SP140L: variants seen among roughly 807,000 people sequenced by gnomAD.
SP140L encodes the protein nuclear body protein SP140-like protein.
Under a neutral mutation model 84.3 loss-of-function variants are expected in SP140L, and 64 were observed. The ratio of observed to expected loss-of-function variants is 0.76; its 90% confidence interval spans 0.62 to 0.94. The LOEUF is 0.94. Ranked by LOEUF, SP140L falls within the 40% of genes least tolerant of loss-of-function variation. The pLI, the probability that SP140L is intolerant of heterozygous loss-of-function variation, is 0.00. For synonymous variants in SP140L, 242 were observed against 236.9 expected (o/e 1.02, Z -0.20); for missense variants, 628 against 692.5 (o/e 0.91, Z 1.05).
chr2:230,327,430 T>C, intron 1 of SP140L, 129 bp downstream of exon 1: 1 of 1,040,472 alleles, frequency 9.6e-7, no homozygotes, highest in Non-Finnish European at 1.4e-6. Flanking sequence ...GGTAGTGTAA[T>C]ATAATGGAAT....
At chr2:230,348,706 G>T (rs552817270) in intron 2 of SP140L, among the ~76,000 whole-genome samples, 1 of 152,140 alleles carries the variant, frequency 6.6e-6, no homozygotes, top group African/African-American at 2.4e-5. Flanking sequence ...AAACACAAAA[G>T]ATTTCAGTTT....
chr2:230,341,889 C>G (rs2060055047), intron 2 of SP140L, among the ~76,000 whole-genome samples: 1 of 152,062 alleles, frequency 6.6e-6, no homozygotes, highest in South Asian at 2.1e-4. Flanking sequence ...CCACTGCTCT[C>G]TTCAAAGCTG....
chr2:230,349,094 G>C (rs2060290885), intron 2 of SP140L, among the ~76,000 whole-genome samples: 1 of 152,208 alleles, frequency 6.6e-6, no homozygotes. Context: ...GTATTTTTGT[G>C]TGTATCTATG....
intron 13 of SP140L, 88 bp from the exon 14 acceptor site, chr2:230,396,669 T>C: frequency 6.7e-7 from 1 of 1,503,542 alleles, no homozygotes; most frequent in Non-Finnish European, 9.1e-7. Flanking sequence ...CCTGAATCCC[T>C]TCAAAGATGA....
intron 5 of SP140L, among the ~76,000 whole-genome samples, 167 bp downstream of exon 5, chr2:230,361,864 G>A (rs755163515): frequency 5.3e-5 from 8 of 152,162 alleles, no homozygotes; most frequent in Non-Finnish European, 1.2e-4. Flanking sequence ...CAGATGCAGG[G>A]TCCTGGAGAA....
At chr2:230,336,411 G>C (rs1026571352) in intron 2 of SP140L, among the ~76,000 whole-genome samples, 1 of 152,094 alleles carries the variant, frequency 6.6e-6, no homozygotes, top group Non-Finnish European at 1.5e-5. Flanking sequence ...GGCCCCATTT[G>C]TTTTGCTTTT....
chr2:230,383,368 C>T, intron 7 of SP140L, 142 bp from the exon 8 acceptor site: 1 of 687,636 alleles, frequency 1.5e-6, no homozygotes, highest in Non-Finnish European at 2.2e-6. Context: ...TCAACTTCCA[C>T]ACTGCTACAC....
intron 5 of SP140L, among the ~76,000 whole-genome samples, chr2:230,363,278 C>T (rs950679223): frequency 1.3e-5 from 2 of 152,148 alleles, no homozygotes; most frequent in African/African-American, 4.8e-5. Context: ...ATTTACATTT[C>T]CATTAACAGT....
At chr2:230,378,488 C>T (rs949412650) in intron 7 of SP140L, among the ~76,000 whole-genome samples, 11 of 152,176 alleles carry the variant, frequency 7.2e-5, no homozygotes, top group African/African-American at 2.7e-4. Context: ...CCTCCTCCCA[C>T]AATATTCTGC....
chr2:230,370,759 A>T, intron 5 of SP140L, 149 bp from the exon 6 acceptor site: 1 of 631,120 alleles, frequency 1.6e-6, no homozygotes, highest in Non-Finnish European at 2.8e-6. Context: ...AAGATTTCGG[A>T]GGAAAAAGTA....
At chr2:230,389,727 A>T (rs1480665974) in intron 10 of SP140L, among the ~76,000 whole-genome samples, 192 bp from the exon 11 acceptor site, 1 of 152,202 alleles carries the variant, frequency 6.6e-6, no homozygotes, top group Non-Finnish European at 1.5e-5. Context: ...TGAAATTTGA[A>T]AGGTGAAATT....
chr2:230,394,189 T>C (rs1357240049), intron 13 of SP140L, among the ~76,000 whole-genome samples: 1 of 152,186 alleles, frequency 6.6e-6, no homozygotes, highest in East Asian at 1.9e-4. Flanking sequence ...CAGACCTGCT[T>C]TTTATCTGTG....
chr2:230,396,621 G>A (rs1575551454), intron 13 of SP140L, 136 bp from the exon 14 acceptor site: 2 of 979,504 alleles, frequency 2.0e-6, no homozygotes, highest in East Asian at 5.3e-5. Flanking sequence ...CAGCCTACTG[G>A]CCTTCATCTC....
At chr2:230,336,067 G>C (rs2059869831) in intron 2 of SP140L, among the ~76,000 whole-genome samples, 1 of 152,178 alleles carries the variant, frequency 6.6e-6, no homozygotes, top group Admixed American at 6.5e-5. Context: ...TAAGAGGAGG[G>C]ATTTTCTGGG....
chr2:230,400,415 T>C (rs1575561713), intron 15 of SP140L, 173 bp downstream of exon 15: 1 of 634,798 alleles, frequency 1.6e-6, no homozygotes. Context: ...CAGCAGGAGG[T>C]AAATGCTCTC....
chr2:230,392,049 CA>C (rs756103532), intron 11 of SP140L, 37 bp from the exon 12 acceptor site: 20 of 1,612,176 alleles, frequency 1.2e-5, no homozygotes, highest in African/African-American at 2.7e-5. Flanking sequence ...GCGCTGGGAA[CA>C]AAGAGGGCTC....
intron 9 of SP140L, among the ~76,000 whole-genome samples, chr2:230,385,789 C>A (rs1304361098): frequency 6.6e-6 from 1 of 152,156 alleles, no homozygotes; most frequent in African/African-American, 2.4e-5. Context: ...TTTAAAGCAC[C>A]TTCCCTCCTT....
intron 5 of SP140L, among the ~76,000 whole-genome samples, chr2:230,368,787 A>G (rs2060966367): frequency 1.3e-5 from 2 of 152,034 alleles, no homozygotes; most frequent in Non-Finnish European, 2.9e-5. Context: ...CAGCTCCAGA[A>G]TTTCTGTTTC....
At chr2:230,378,016 T>C (rs1009025409) in intron 7 of SP140L, among the ~76,000 whole-genome samples, 2 of 152,206 alleles carry the variant, frequency 1.3e-5, no homozygotes. Flanking sequence ...TGATTTCTTT[T>C]CTTTTTTTGC....
Sources: allele counts gnomAD v4.1 joint callset (sites outside exome capture counted in the v4.1 genomes callset), GRCh38; gene constraint gnomAD v4.1.1; transcripts MANE v1.5; gene names NCBI Gene and HGNC (gene_info 2026-07-23, HGNC 2026-07-21).